Variants in PLCXD3 observed in about 807,000 individuals in gnomAD.
PLCXD3 encodes phosphatidylinositol specific phospholipase C X domain containing 3.
A neutral mutation model predicts 25.5 loss-of-function variants in PLCXD3; 19 were observed. The ratio of observed to expected loss-of-function variants is 0.75; its 90% CI spans 0.52 to 1.09. The LOEUF (loss-of-function observed/expected upper bound fraction) is 1.09, where lower values mean the gene tolerates loss of function less well. Among genes scored for constraint, PLCXD3 ranks in the 50% least tolerant of loss-of-function variants. The probability of loss-of-function intolerance (pLI) is 0.00; values close to 1 mark genes in which losing one functional copy is unlikely to be tolerated. For missense variants in PLCXD3, 411 were observed against 388.1 expected (o/e 1.06, Z -0.50); for synonymous variants, 174 against 137.6 (o/e 1.26, Z -1.85).
At chr5:41,362,655 CAA>C (rs949514716) in intron 2 of PLCXD3, among the ~76,000 whole-genome samples, 17 of 152,250 alleles carry the variant, frequency 1.1e-4, no homozygotes, top group African/African-American at 4.1e-4. Context: ...TAAAATAACA[CAA>C]TAATTTAAAT....
At chr5:41,465,340 C>T (rs954119012) in intron 1 of PLCXD3, among the ~76,000 whole-genome samples, 1 of 104,946 alleles carries the variant, frequency 9.5e-6, no homozygotes, top group Non-Finnish European at 2.0e-5. Context: ...CTACTTTCCC[C>T]ACTAGTTCTT....
Position 41,460,181 on chromosome 5 carries a change from C to T in PLCXD3, c.103+50243G>A, listed in dbSNP as rs1561279850. Among the ~76,000 whole-genome samples, 6 of 152,002 alleles carry T rather than the reference C, an allele frequency of 3.9e-5. No individual in the cohort carries two copies. The East Asian group carries it at 1.2e-3, about 29-fold the overall frequency. On this transcript the variant is annotated intron_variant, in intron 1 of 2. Coordinates refer to ENST00000377801, the MANE Select transcript of PLCXD3 (RefSeq NM_001005473.3). ...GATGCTAGTGTTCCCATTTGTGTTG[C>T]AAACCTTTCAGAGGCAGGAAATGTT...
intron 1 of PLCXD3, among the ~76,000 whole-genome samples, chr5:41,491,452 A>G (rs1487844167): frequency 2.0e-5 from 3 of 152,140 alleles, no homozygotes; most frequent in Non-Finnish European, 4.4e-5. Context: ...TATTAGGTCC[A>G]CTTGGTGCAG....
intron 2 of PLCXD3, among the ~76,000 whole-genome samples, chr5:41,370,024 G>A (rs547481871): frequency 2.0e-4 from 31 of 152,146 alleles, no homozygotes; most frequent in Non-Finnish European, 4.1e-4. Context: ...GCTTCCTCCA[G>A]ATAGGATGTC....
At chr5:41,455,569 T>C (rs1035476217) in intron 1 of PLCXD3, among the ~76,000 whole-genome samples, 1 of 151,624 alleles carries the variant, frequency 6.6e-6, no homozygotes, top group African/African-American at 2.4e-5. Flanking sequence ...AGAAAGGGAG[T>C]ACATAAACTC....
chr5:41,446,716 T>C (rs1747513383), intron 1 of PLCXD3, among the ~76,000 whole-genome samples: 1 of 151,882 alleles, frequency 6.6e-6, no homozygotes, highest in African/African-American at 2.4e-5. Context: ...CATAGAACAG[T>C]TTTTTCTGCT....
chr5:41,416,966 G>C (rs1335106371), intron 1 of PLCXD3, among the ~76,000 whole-genome samples: 2 of 152,116 alleles, frequency 1.3e-5, no homozygotes, highest in Non-Finnish European at 2.9e-5. Context: ...CCAATCATCA[G>C]ACTGAAAACA....
intron 1 of PLCXD3, among the ~76,000 whole-genome samples, chr5:41,489,121 G>A (rs1051408583): frequency 3.3e-5 from 5 of 152,068 alleles, no homozygotes; most frequent in African/African-American, 7.2e-5. Flanking sequence ...GTGTAAGGAA[G>A]GGATCCAGTT....
chr5:41,475,334 C>G (rs181360560), intron 1 of PLCXD3, among the ~76,000 whole-genome samples: 1 of 152,140 alleles, frequency 6.6e-6, no homozygotes, highest in East Asian at 1.9e-4. Flanking sequence ...AAACCTTCCT[C>G]GTTCAAGTCC....
intron 2 of PLCXD3, among the ~76,000 whole-genome samples, chr5:41,360,665 C>G (rs952421338): frequency 6.6e-6 from 1 of 152,000 alleles, no homozygotes; most frequent in African/African-American, 2.4e-5. Context: ...ACCAGGCTCC[C>G]AGCTGGTACT....
chr5:41,372,108 T>G (rs79271631), intron 2 of PLCXD3, among the ~76,000 whole-genome samples: 16,710 of 152,054 alleles, frequency 0.11, 1,150 homozygotes, highest in Admixed American at 0.17. Context: ...AACTTTTTTT[T>G]GTGAGTGCTA....
rs117323269 is a variant in PLCXD3 at position 41,486,819 on chromosome 5, C to T, written c.103+23605G>A. On this transcript the variant is annotated intron_variant, in intron 1 of 2. Coordinates refer to ENST00000377801, the MANE Select transcript of PLCXD3 (RefSeq NM_001005473.3). ...CAAAGAATATGAGGTTAATACTGTA[C>T]TCATCTCAATTTTAGAGCTGAGAAA... Among the ~76,000 whole-genome samples the T allele has an allele frequency of 3.3e-5, 5 of 152,284 alleles. No individual in the cohort carries two copies. In the East Asian group the frequency reaches 9.6e-4, roughly 29 times the overall value.
Position 41,310,240 on chromosome 5 carries a change from G to A in PLCXD3, c.*3377C>T, listed in dbSNP as rs1368074885. 2 of 152,042 alleles carry A rather than the reference G, an allele frequency of 1.3e-5. No individual in the cohort carries two copies. Among genetic ancestry groups the A allele is most frequent in the Admixed American group, 6.6e-5 (1 of 15,252 alleles). 9.4% of individuals were successfully genotyped at this position (152,042 alleles called of 1,614,324 possible). ...AAATAGGGAGACATAAATGATAATGGCAGAAGAAAAATTTGCTATATTAGT... is the reference window on the plus strand; with the variant it reads ...AAATAGGGAGACATAAATGATAATGACAGAAGAAAAATTTGCTATATTAGT... On this transcript the variant is annotated 3_prime_UTR_variant, in exon 3 of 3. Coordinates refer to ENST00000377801, the MANE Select transcript of PLCXD3 (RefSeq NM_001005473.3).
At chr5:41,390,794 A>G (rs1005774269) in intron 1 of PLCXD3, among the ~76,000 whole-genome samples, 10 of 152,194 alleles carry the variant, frequency 6.6e-5, no homozygotes, top group Non-Finnish European at 1.5e-4. Flanking sequence ...TTAACTTCAT[A>G]TTGCTGAGAG....
At chr5:41,485,504 T>C (rs924523726) in intron 1 of PLCXD3, among the ~76,000 whole-genome samples, 1 of 152,172 alleles carries the variant, frequency 6.6e-6, no homozygotes, top group Non-Finnish European at 1.5e-5. Flanking sequence ...TATATTCCAT[T>C]TGCGGTGGCT....
At chr5:41,330,541 T>C (rs1221631588) in intron 2 of PLCXD3, among the ~76,000 whole-genome samples, 1 of 152,142 alleles carries the variant, frequency 6.6e-6, no homozygotes, top group Non-Finnish European at 1.5e-5. Flanking sequence ...GTACCATTCC[T>C]TCTGAAACTA....
At chr5:41,380,506 C>A (rs1250220303) in intron 2 of PLCXD3, among the ~76,000 whole-genome samples, 1 of 152,042 alleles carries the variant, frequency 6.6e-6, no homozygotes, top group African/African-American at 2.4e-5. Context: ...AGTTTATTAT[C>A]TAGCTCCCCA....
At chr5:41,416,039 A>T (rs918595407) in intron 1 of PLCXD3, among the ~76,000 whole-genome samples, 5 of 152,208 alleles carry the variant, frequency 3.3e-5, no homozygotes, top group African/African-American at 1.2e-4. Flanking sequence ...AGGAAAAAGG[A>T]TCTTCAGTAA....
At chr5:41,432,926 A>G (rs777311925) in intron 1 of PLCXD3, among the ~76,000 whole-genome samples, 1 of 152,186 alleles carries the variant, frequency 6.6e-6, no homozygotes, top group African/African-American at 2.4e-5. Flanking sequence ...TCCACATCTC[A>G]GTCTGTCTTG....
Sources: allele counts gnomAD v4.1 joint callset (sites outside exome capture counted in the v4.1 genomes callset), GRCh38; gene constraint gnomAD v4.1.1; transcripts MANE v1.5; gene names NCBI Gene and HGNC (gene_info 2026-07-23, HGNC 2026-07-21).